The following MAP2 variants were observed in gnomAD, a reference collection of about 807,000 sequenced individuals.
MAP2 encodes microtubule associated protein 2.
MAP2 carries 14 observed loss-of-function variants against 137.6 expected under a neutral mutation model. That is an observed-to-expected ratio of 0.10 (90% confidence interval 0.07 to 0.16). MAP2 has a LOEUF of 0.16. MAP2 is among the 10% of genes least tolerant of loss of function. The pLI is 1.00. For synonymous variants in MAP2, 786 were observed against 782.3 expected, an observed-to-expected ratio of 1.00 and a Z score of -0.08; for missense variants, 2,088 against 2,191.5, an observed-to-expected ratio of 0.95 and a Z score of 0.94.
intron 14 of MAP2, among the ~76,000 whole-genome samples, chr2:209,726,570 C>A (rs974596216): frequency 6.6e-6 from 1 of 152,052 alleles, no homozygotes; most frequent in African/African-American, 2.4e-5. Context: ...ACAGACTCAG[C>A]AACATAGGGA....
At chr2:209,532,082 T>TA (rs1453234787) in intron 2 of MAP2, among the ~76,000 whole-genome samples, 1 of 151,318 alleles carries the variant, frequency 6.6e-6, no homozygotes, top group Admixed American at 6.6e-5. Context: ...CTACAAAAAC[T>TA]AAAAAAATTA....
At chr2:209,705,483 A>C in intron 11 of MAP2, 97 bp from the exon 12 acceptor site, 1 of 979,804 alleles carries the variant, frequency 1.0e-6, no homozygotes, top group South Asian at 2.4e-5. Context: ...AAAGAAATTC[A>C]TTTATTAGCA....
chr2:209,547,858 T>C (rs2153276225), intron 2 of MAP2, among the ~76,000 whole-genome samples: 1 of 152,336 alleles, frequency 6.6e-6, no homozygotes, highest in East Asian at 1.9e-4. Context: ...AACTCATGAA[T>C]GTGCTTGAAG....
intron 3 of MAP2, among the ~76,000 whole-genome samples, chr2:209,604,258 C>T (rs899817857): frequency 3.9e-5 from 6 of 152,090 alleles, no homozygotes; most frequent in Admixed American, 1.3e-4. Flanking sequence ...TCATTAAGTC[C>T]GTACCCAGTA....
intron 13 of MAP2, among the ~76,000 whole-genome samples, chr2:209,712,858 C>T (rs564879533): frequency 3.3e-5 from 5 of 152,238 alleles, no homozygotes; most frequent in Admixed American, 3.3e-4. Flanking sequence ...GATGATCGAG[C>T]ATCTATACAT....
chr2:209,724,013 G>A (rs546992678), intron 13 of MAP2, among the ~76,000 whole-genome samples: 3 of 152,178 alleles, frequency 2.0e-5, no homozygotes, highest in South Asian at 4.2e-4. Flanking sequence ...ATTTTCTCAC[G>A]TTGTTTCTAC....
At chr2:209,554,677 G>T (rs1020004695) in intron 2 of MAP2, among the ~76,000 whole-genome samples, 1 of 151,882 alleles carries the variant, frequency 6.6e-6, no homozygotes. Context: ...TAGAGCCTGG[G>T]ATGTTGAGGC....
In MAP2 at chr2:209,434,854, A is replaced by ATATATGT. The variant is rs1559157024; in HGVS notation, c.-222+10583_-222+10584insGTTATAT. The stretch of plus-strand genomic sequence containing the variant: ...CTCTCTATATATATATATATGTTAT[A>ATATATGT]TATATATGTTATATATATGTTATAT... On this transcript the variant is annotated intron_variant, in intron 1 of 15. Transcript: ENST00000682079. 3.3e-4 allele frequency among the ~76,000 whole-genome samples: 36 copies of ATATATGT among 109,884 alleles called. 2 individuals are homozygous for ATATATGT. The highest frequency in any genetic ancestry group is 1.2e-3 in the African/African-American group (32 of 26,964). 72.1% of individuals were successfully genotyped at this position (109,884 alleles called of 152,430 possible).
intron 3 of MAP2, among the ~76,000 whole-genome samples, chr2:209,621,907 A>G (rs574177134): frequency 6.6e-6 from 1 of 152,320 alleles, no homozygotes; most frequent in South Asian, 2.1e-4. Flanking sequence ...TAACCAGCTA[A>G]TAAAAGCTGA....
At chr2:209,578,668 T>G (rs779891251) in intron 2 of MAP2, among the ~76,000 whole-genome samples, 14 of 152,050 alleles carry the variant, frequency 9.2e-5, no homozygotes, top group Non-Finnish European at 2.1e-4. Context: ...TCTCCTTCCC[T>G]TTTCCCCAGG....
At chr2:209,523,110 G>GT (rs1308918768) in intron 2 of MAP2, among the ~76,000 whole-genome samples, 1 of 151,988 alleles carries the variant, frequency 6.6e-6, no homozygotes, top group Admixed American at 6.6e-5. Flanking sequence ...TATTCTCCAT[G>GT]TTTTTTTCTG....
chr2:209,679,740 A>G (rs2053720419), intron 6 of MAP2, among the ~76,000 whole-genome samples: 1 of 152,098 alleles, frequency 6.6e-6, no homozygotes, highest in Admixed American at 6.6e-5. Flanking sequence ...CTTAAAACAC[A>G]TAGAGAATTA....
At chr2:209,584,923 G>A (rs772429890) in intron 3 of MAP2, among the ~76,000 whole-genome samples, 2 of 152,294 alleles carry the variant, frequency 1.3e-5, no homozygotes, top group Non-Finnish European at 2.9e-5. Context: ...AGAGCTACAC[G>A]AGGAAAGAGT....
intron 1 of MAP2, among the ~76,000 whole-genome samples, chr2:209,433,740 A>G (rs1054555767): frequency 2.0e-5 from 3 of 152,090 alleles, no homozygotes; most frequent in South Asian, 4.1e-4. Flanking sequence ...GTTCTTATCT[A>G]ATGCTGTAAC....
At chr2:209,560,639 C>T (rs2071826108) in intron 2 of MAP2, among the ~76,000 whole-genome samples, 1 of 151,972 alleles carries the variant, frequency 6.6e-6, no homozygotes, top group Non-Finnish European at 1.5e-5. Context: ...AGGCACTGCA[C>T]CTTGCCAATG....
At chr2:209,649,171 C>T (rs903805818) in intron 4 of MAP2, among the ~76,000 whole-genome samples, 6 of 150,696 alleles carry the variant, frequency 4.0e-5, no homozygotes, top group Admixed American at 3.3e-4. Context: ...ATAGCTGCAC[C>T]CAGCTAATTA....
intron 2 of MAP2, among the ~76,000 whole-genome samples, chr2:209,537,699 A>G (rs572764693): frequency 6.6e-6 from 1 of 152,332 alleles, no homozygotes; most frequent in South Asian, 2.1e-4. Context: ...GTCATTTTAA[A>G]GGTCTGACAT....
chr2:209,683,101 C>T (rs1485635527), intron 7 of MAP2, among the ~76,000 whole-genome samples: 1 of 152,094 alleles, frequency 6.6e-6, no homozygotes, highest in East Asian at 1.9e-4. Flanking sequence ...TGGGAATTCA[C>T]CCAGCCTGCT....
intron 13 of MAP2, among the ~76,000 whole-genome samples, chr2:209,724,889 T>A (rs2073257854): frequency 6.6e-6 from 1 of 152,218 alleles, no homozygotes; most frequent in South Asian, 2.1e-4. Context: ...TTTACACAAG[T>A]GCTGCTGGAC....
Sources: allele counts gnomAD v4.1 joint callset (sites outside exome capture counted in the v4.1 genomes callset), GRCh38; gene constraint gnomAD v4.1.1; transcripts MANE v1.5; gene names NCBI Gene and HGNC (gene_info 2026-07-23, HGNC 2026-07-21).